Variants in GRM7 observed in about 807,000 individuals in gnomAD.
The protein encoded by GRM7 is metabotropic glutamate receptor 7.
A neutral mutation model predicts 84.5 loss-of-function variants in GRM7; 35 were observed. The observed-to-expected ratio is 0.41, with a 90% CI of 0.32 to 0.55. The LOEUF (loss-of-function observed/expected upper bound fraction) is 0.55, where lower values mean the gene tolerates loss of function less well. Among genes scored for constraint, GRM7 ranks in the 20% least tolerant of loss-of-function variants. The pLI is 0.19. For missense variants in GRM7, 1,003 were observed against 1,194.6 expected, an observed-to-expected ratio of 0.84 and a Z score of 2.36; for synonymous variants, 487 against 455.1, an observed-to-expected ratio of 1.07 and a Z score of -0.89.
rs1381069397 is a variant in GRM7 at position 6,862,818 on chromosome 3, C to T, written c.519+911C>T. 3 of 303,198 alleles carry T rather than the reference C, an allele frequency of 9.9e-6. No homozygotes were observed. In the Admixed American group the frequency reaches 1.4e-4, roughly 14 times the overall value. The allele number at this position is 303,198 out of a possible 1,614,324, so 18.8% of individuals were successfully genotyped here. A position where few individuals can be genotyped will look rare whatever the true frequency, so the allele number is the denominator to read the frequency against. On this transcript the variant is annotated intron_variant, in intron 1 of 9. Transcript: ENST00000357716. The surrounding 1 kb of genome is among the most constrained non-coding windows in gnomAD (Gnocchi z 5.2). ...TTCCCGGAGCGAGGCATGAAGGCGC[C>T]CGTTGGGAGGCAGAGGGGTGCGTGA...
intron 4 of GRM7, among the ~76,000 whole-genome samples, chr3:7,312,472 G>A (rs1007165711): frequency 2.6e-5 from 4 of 152,230 alleles, no homozygotes; most frequent in East Asian, 1.9e-4. Context: ...GTGTCCCTGG[G>A]GCTTGGTAGG....
chr3:7,500,338 G>T (rs1190036511), intron 7 of GRM7, among the ~76,000 whole-genome samples: 1 of 152,212 alleles, frequency 6.6e-6, no homozygotes, highest in East Asian at 1.9e-4. Flanking sequence ...TATTAGAGGT[G>T]TCATCCCCTT....
In GRM7 at chr3:7,146,742, A is replaced by G. The variant is rs1185158084; in HGVS notation, c.736+74A>G. 10 of 1,021,794 alleles carry G rather than the reference A, an allele frequency of 9.8e-6. No homozygotes were observed. The Admixed American group carries it at 1.5e-4, about 15-fold the overall frequency. The allele number at this position is 1,021,794 out of a possible 1,614,324, so 63.3% of individuals were successfully genotyped here. A position where few individuals can be genotyped will look rare whatever the true frequency, so the allele number is the denominator to read the frequency against. Reference sequence around the variant, plus strand: ...GCTTGTAGAGTTCTCTTCAAACTTCATTAAATAAACACTACAGACTCTTAC... The same window carrying G: ...GCTTGTAGAGTTCTCTTCAAACTTCGTTAAATAAACACTACAGACTCTTAC... On this transcript the variant is annotated intron_variant, in intron 2 of 9. Transcript: ENST00000357716.
At chr3:7,338,995 T>C (rs1701533037) in intron 4 of GRM7, among the ~76,000 whole-genome samples, 1 of 151,780 alleles carries the variant, frequency 6.6e-6, no homozygotes, top group Admixed American at 6.6e-5. Context: ...CACCTTTTCA[T>C]ATCTGTGTCT....
At chr3:6,985,860 T>G (rs1034938909) in intron 1 of GRM7, among the ~76,000 whole-genome samples, 1 of 152,194 alleles carries the variant, frequency 6.6e-6, no homozygotes, top group African/African-American at 2.4e-5. Flanking sequence ...TCTAAAATAA[T>G]GTACAAAAAG....
chr3:7,227,212 T>C (rs1209488802), intron 2 of GRM7, among the ~76,000 whole-genome samples: 1 of 152,244 alleles, frequency 6.6e-6, no homozygotes, highest in Non-Finnish European at 1.5e-5. Flanking sequence ...TGGATTACCA[T>C]TGACCATTTG....
At chr3:7,073,713 T>C (rs1297510702) in intron 1 of GRM7, among the ~76,000 whole-genome samples, 1 of 152,174 alleles carries the variant, frequency 6.6e-6, no homozygotes, top group Non-Finnish European at 1.5e-5. Flanking sequence ...AACAGGTATT[T>C]ATAGAGACCT....
chr3:7,197,925 T>C (rs1400537687), intron 2 of GRM7, among the ~76,000 whole-genome samples: 1 of 151,942 alleles, frequency 6.6e-6, no homozygotes, highest in African/African-American at 2.4e-5. Flanking sequence ...AATGAAAATA[T>C]GGTGGAAGTT....
chr3:7,319,414 T>A (rs1160591207), intron 4 of GRM7, among the ~76,000 whole-genome samples: 1 of 151,998 alleles, frequency 6.6e-6, no homozygotes, highest in Non-Finnish European at 1.5e-5. Context: ...ATGAAAGACT[T>A]GTGATGGATA....
In GRM7 at chr3:7,121,743, A is replaced by G. The variant is rs184356255; in HGVS notation, c.520-24709A>G. Among the ~76,000 whole-genome samples, 751 of 152,270 alleles carry G rather than the reference A, an allele frequency of 4.9e-3. 11 individuals carry two copies. The highest frequency in any genetic ancestry group is 3.4e-3 in the Non-Finnish European group (230 of 68,028). ...GAAGCAGAGATGGGTTTTATGGATA[A>G]AGCTGAAAACAATGCCAATACATAG... On this transcript the variant is annotated intron_variant, in intron 1 of 9. Transcript: ENST00000357716.
At chr3:7,248,353 A>G (rs1411022290) in intron 2 of GRM7, among the ~76,000 whole-genome samples, 1 of 152,180 alleles carries the variant, frequency 6.6e-6, no homozygotes, top group Non-Finnish European at 1.5e-5. Flanking sequence ...AGATAAAGGA[A>G]GCCGAATGCA....
At chr3:7,015,665 T>C (rs1220595789) in intron 1 of GRM7, among the ~76,000 whole-genome samples, 5 of 152,144 alleles carry the variant, frequency 3.3e-5, no homozygotes, top group African/African-American at 1.2e-4. Context: ...CAGGCTTGAG[T>C]AGAGCCAGAG....
At chr3:7,273,800 T>C (rs899524093) in intron 2 of GRM7, among the ~76,000 whole-genome samples, 6 of 151,956 alleles carry the variant, frequency 3.9e-5, no homozygotes, top group Non-Finnish European at 2.9e-5. Flanking sequence ...TTGAATCTTG[T>C]TTTTGATCCA....
At chr3:7,341,059 GCTTCTC>G (rs1490757901) in intron 4 of GRM7, among the ~76,000 whole-genome samples, 2 of 152,110 alleles carry the variant, frequency 1.3e-5, no homozygotes, top group African/African-American at 4.8e-5. Context: ...TACAGACAAT[GCTTCTC>G]TTTGTTCTTT....
At position 6,919,333 on chromosome 3, in the gene GRM7, C is replaced by G. The variant is rs146421954; in HGVS notation, c.519+57426C>G. The stretch of plus-strand genomic sequence containing the variant: ...TCTGCCCCAGCCGCCTAAGTAGCTG[C>G]GATTATAAGTGCCCACCACCATGCC... On this transcript the variant is annotated intron_variant, in intron 1 of 9. Transcript: ENST00000357716. Among the ~76,000 whole-genome samples, 4 of 150,152 alleles carry G rather than the reference C, an allele frequency of 2.7e-5. No individual in the cohort carries two copies. The South Asian group carries it at 6.4e-4, about 24-fold the overall frequency.
At chr3:6,886,096 T>TGTGTG (rs1491474760) in intron 1 of GRM7, among the ~76,000 whole-genome samples, 1 of 25,022 alleles carries the variant, frequency 4.0e-5, no homozygotes, top group Non-Finnish European at 8.7e-5. Flanking sequence ...TAGTTACCAT[T>TGTGTG]GTGTGTGTGT....
intron 1 of GRM7, among the ~76,000 whole-genome samples, chr3:7,085,758 C>G (rs952998163): frequency 4.0e-5 from 6 of 151,700 alleles, no homozygotes; most frequent in African/African-American, 1.2e-4. Flanking sequence ...AAATGTGTAG[C>G]TAGAAAAATA....
chr3:7,569,225 C>G (rs1438287724), intron 7 of GRM7, among the ~76,000 whole-genome samples: 1 of 152,114 alleles, frequency 6.6e-6, no homozygotes, highest in Non-Finnish European at 1.5e-5. Context: ...TCTAACTACT[C>G]TGGTGGGGAC....
At chr3:7,479,637 C>T (rs973111667) in intron 7 of GRM7, among the ~76,000 whole-genome samples, 5 of 152,172 alleles carry the variant, frequency 3.3e-5, no homozygotes, top group African/African-American at 7.2e-5. Context: ...AGTCACTATG[C>T]TGTCTCACAG....
Sources: gnomAD v4.1 joint callset for allele counts (sites outside exome capture counted in the v4.1 genomes callset) on GRCh38, gnomAD v4.1.1 for gene constraint, Gnocchi (gnomAD v3.1) non-coding constraint, MANE v1.5 for transcripts, NCBI Gene and HGNC (gene_info 2026-07-23, HGNC 2026-07-21) for gene names.